Variants in EXOC2 observed in about 807,000 individuals in gnomAD.
EXOC2 encodes SEC5-like 1.
EXOC2 carries 70 observed loss-of-function variants against 131.8 expected under a neutral mutation model. The observed-to-expected ratio is 0.53, with a 90% CI of 0.44 to 0.65. The LOEUF (loss-of-function observed/expected upper bound fraction) is 0.65, where lower values mean the gene tolerates loss of function less well. EXOC2 is among the 30% of genes least tolerant of loss of function. EXOC2 has a pLI of 0.00. For synonymous variants in EXOC2, 411 were observed against 398.4 expected, an observed-to-expected ratio of 1.03 and a Z score of -0.38; for missense variants, 923 against 1,108.6, an observed-to-expected ratio of 0.83 and a Z score of 2.38.
At chr6:594,914 C>T (rs1288471981) in intron 10 of EXOC2, among the ~76,000 whole-genome samples, 2 of 96,012 alleles carry the variant, frequency 2.1e-5, no homozygotes, top group African/African-American at 6.9e-5. Flanking sequence ...TTTAAAACTG[C>T]ATATTAAGAA....
intron 23 of EXOC2, among the ~76,000 whole-genome samples, chr6:507,603 T>C (rs1041819872): frequency 1.3e-5 from 2 of 152,162 alleles, no homozygotes; most frequent in African/African-American, 4.8e-5. Flanking sequence ...AATGATCCCC[T>C]TTGCATGTGG....
At chr6:543,083 G>A (rs1020477715) in intron 22 of EXOC2, among the ~76,000 whole-genome samples, 9 of 152,140 alleles carry the variant, frequency 5.9e-5, no homozygotes, top group Non-Finnish European at 8.8e-5. Flanking sequence ...CACGGCTGTC[G>A]GATGATGCAA....
In EXOC2 at chr6:576,903, A is replaced by G. The variant is rs1016369936; in HGVS notation, c.1193-21T>C. 4 of 1,612,000 alleles carry G rather than the reference A, an allele frequency of 2.5e-6. No homozygotes were observed. In the African/African-American group the frequency reaches 5.3e-5, roughly 22 times the overall value. On this transcript the variant is annotated intron_variant, in intron 11 of 27. Coordinates refer to ENST00000230449, the MANE Select transcript of EXOC2 (RefSeq NM_018303.6). ...GTTACCTGGGGAAGAAAGGAGAGAT[A>G]TACAGAGTATATAGCATGCTCTATA...
At chr6:511,860 T>A (rs1764867095) in intron 23 of EXOC2, among the ~76,000 whole-genome samples, 1 of 152,262 alleles carries the variant, frequency 6.6e-6, no homozygotes, top group Non-Finnish European at 1.5e-5. Context: ...CAATGACTCA[T>A]CTGTTCTCCC....
chr6:608,250 T>C (rs1336665307), intron 7 of EXOC2, among the ~76,000 whole-genome samples: 1 of 152,260 alleles, frequency 6.6e-6, no homozygotes, highest in Admixed American at 6.5e-5. Flanking sequence ...GGGCCAGAGC[T>C]GCATCCCCTC....
intron 25 of EXOC2, among the ~76,000 whole-genome samples, chr6:496,068 A>G (rs1039191197): frequency 2.0e-5 from 3 of 151,772 alleles, no homozygotes; most frequent in East Asian, 1.9e-4. Context: ...TAGGGTTTCT[A>G]TTTCTCCGCC....
At position 603,749 on chromosome 6, in the gene EXOC2, C is replaced by T. The variant is rs546934355; in HGVS notation, c.743-4524G>A. 3.5e-4 allele frequency among the ~76,000 whole-genome samples: 54 copies of T among 152,198 alleles called. 1 individual carries two copies. Among genetic ancestry groups the T allele is most frequent in the African/African-American group, 1.2e-3 (51 of 41,522 alleles). On this transcript the variant is annotated intron_variant, in intron 7 of 27. Transcript: ENST00000230449. ...CTTAGCATTCTTCTTTCATTTTGCACGTGGTACTTGGGTTAAATCATTCAA... is the reference window on the plus strand; with the variant it reads ...CTTAGCATTCTTCTTTCATTTTGCATGTGGTACTTGGGTTAAATCATTCAA...
chr6:534,197 G>A (rs573704180), intron 22 of EXOC2, among the ~76,000 whole-genome samples: 37 of 152,186 alleles, frequency 2.4e-4, no homozygotes, highest in Non-Finnish European at 4.0e-4. Flanking sequence ...ATAAACCCAG[G>A]AGCTCTAACA....
rs1226533312 is a variant in EXOC2 at position 485,711 on chromosome 6, G to A, written c.*960C>T. ...TTGCCTGGTGACCAAGGAGCATCCT[G>A]AAGTTTCAGAGAAGAGACTGTGTGA... On this transcript the variant is annotated 3_prime_UTR_variant, in exon 28 of 28. Transcript: ENST00000230449. 6.6e-6 allele frequency: 1 copy of A among 152,278 alleles called. No homozygotes were observed. Among genetic ancestry groups the A allele is most frequent in the Non-Finnish European group, 1.5e-5 (1 of 68,070 alleles). The allele number at this position is 152,278 out of a possible 1,614,324, so 9.4% of individuals were successfully genotyped here.
At chr6:541,998 A>G (rs1337846631) in intron 22 of EXOC2, among the ~76,000 whole-genome samples, 1 of 152,260 alleles carries the variant, frequency 6.6e-6, no homozygotes, top group East Asian at 1.9e-4. Context: ...TGAGTGGGAA[A>G]ACAAAGTCAC....
intron 5 of EXOC2, among the ~76,000 whole-genome samples, chr6:618,459 C>A (rs946141659): frequency 6.6e-6 from 1 of 152,158 alleles, no homozygotes; most frequent in Non-Finnish European, 1.5e-5. Flanking sequence ...TAAGAAAATC[C>A]GGCTATAAAA....
chr6:668,458 G>A (rs892393741), intron 1 of EXOC2, among the ~76,000 whole-genome samples: 1 of 152,144 alleles, frequency 6.6e-6, no homozygotes, highest in African/African-American at 2.4e-5. Context: ...TCTGCGTTCT[G>A]TCACACTCAG....
chr6:497,588 C>T (rs967323696), intron 24 of EXOC2, 99 bp from the exon 25 acceptor site: 2 of 1,452,400 alleles, frequency 1.4e-6, no homozygotes, highest in Non-Finnish European at 1.8e-6. Flanking sequence ...AGAAAATCAA[C>T]AGGACTTCTA....
intron 7 of EXOC2, among the ~76,000 whole-genome samples, chr6:605,337 G>T (rs1760343921): frequency 6.6e-6 from 1 of 152,192 alleles, no homozygotes; most frequent in Non-Finnish European, 1.5e-5. Flanking sequence ...CTTATTGTTG[G>T]TTACGAATGA....
chr6:573,713 TTTA>T (rs2127596592), intron 12 of EXOC2, among the ~76,000 whole-genome samples: 2 of 151,766 alleles, frequency 1.3e-5, no homozygotes, highest in South Asian at 4.2e-4. Context: ...GTATTAATAA[TTTA>T]TTAATGATTT....
chr6:638,873 G>C (rs1561957337), intron 1 of EXOC2, among the ~76,000 whole-genome samples: 2 of 152,280 alleles, frequency 1.3e-5, no homozygotes, highest in East Asian at 3.9e-4. Context: ...AGGTTGCAGT[G>C]AGCCGAGATT....
chr6:671,910 TTTTATTTA>T (rs910188814), intron 1 of EXOC2, among the ~76,000 whole-genome samples: 1 of 152,102 alleles, frequency 6.6e-6, no homozygotes, highest in African/African-American at 2.4e-5. Context: ...ATTTTTTATT[TTTTATTTA>T]TTTATTTATT....
Position 614,116 on chromosome 6 carries a change from G to A in EXOC2, c.661+3595C>T, listed in dbSNP as rs571043733. Among the ~76,000 whole-genome samples the A allele has an allele frequency of 2.8e-3, 423 of 152,126 alleles. 1 individual carries two copies. Among genetic ancestry groups the A allele is most frequent in the Non-Finnish European group, 5.1e-3 (349 of 67,984 alleles). The stretch of plus-strand genomic sequence containing the variant: ...GTCTGGCCTTTGTCCTTAGGTCCTG[G>A]GAGGTAATCTCTAAACTCTTGAAAT... On this transcript the variant is annotated intron_variant, in intron 6 of 27. Transcript: ENST00000230449.
chr6:565,005 C>A, intron 13 of EXOC2, 76 bp from the exon 14 acceptor site: 1 of 1,113,408 alleles, frequency 9.0e-7, no homozygotes, highest in South Asian at 1.7e-5. Context: ...ACTTGTACAT[C>A]AAGAGAACAT....
Sources: gnomAD v4.1 joint callset for allele counts (sites outside exome capture counted in the v4.1 genomes callset) on GRCh38, gnomAD v4.1.1 for gene constraint, MANE v1.5 for transcripts, NCBI Gene and HGNC (gene_info 2026-07-23, HGNC 2026-07-21) for gene names.